Variants in PHKB observed in about 807,000 individuals in gnomAD.
PHKB encodes the protein phosphorylase b kinase regulatory subunit beta.
Under a neutral mutation model 152.1 loss-of-function variants are expected in PHKB, and 122 were observed. The observed-to-expected ratio is 0.80, with a 90% CI of 0.69 to 0.93. PHKB has a LOEUF of 0.93. Ranked by LOEUF, PHKB falls within the 40% of genes least tolerant of loss-of-function variation. The pLI, the probability that PHKB is intolerant of heterozygous loss-of-function variation, is 0.00. For synonymous variants in PHKB, 436 were observed against 464.9 expected (o/e 0.94, Z 0.80); for missense variants, 1,304 against 1,328.4 (o/e 0.98, Z 0.29).
chr16:47,669,215 G>A lies in PHKB; in HGVS notation c.2428G>A (p.Val810Ile). 6.2e-7 allele frequency: 1 copy of A among 1,612,358 alleles called. No homozygotes were observed. Among genetic ancestry groups the A allele is most frequent in the Non-Finnish European group, 8.5e-7 (1 of 1,178,596 alleles). The change falls in exon 26 of 31, where the codon GTA becomes ATA. Residue 810 changes from valine to isoleucine, a missense_variant and splice_region_variant. Val to Ile is a conservative substitution (Grantham distance 29, BLOSUM62 3). Transcript: ENST00000323584. ...TACAATAAAATTCTGCCACTTGTAG[G>A]TAACTCTGGGTGCCTTTGGGCATGA... ...ITTFLVHGKQ[V>I]TLGAFGHEEE...
At chr16:47,690,783 A>G (rs1318359714) in intron 27 of PHKB, among the ~76,000 whole-genome samples, 2 of 152,204 alleles carry the variant, frequency 1.3e-5, no homozygotes, top group African/African-American at 4.8e-5. Context: ...GTTTCCACTC[A>G]AGATGCTTAA....
At chr16:47,483,034 CTTTTTTTTT>C (rs35429055) in intron 1 of PHKB, among the ~76,000 whole-genome samples, 5 of 91,852 alleles carry the variant, frequency 5.4e-5, no homozygotes, top group African/African-American at 1.6e-4. Context: ...TAAATAATTT[CTTTTTTTTT>C]TTTTTTTTTT....
At chr16:47,521,554 CTGAAACAGGAGAATTGCT>C (rs1970685181) in intron 6 of PHKB, among the ~76,000 whole-genome samples, 1 of 151,864 alleles carries the variant, frequency 6.6e-6, no homozygotes, top group Non-Finnish European at 1.5e-5. Context: ...ACTGGAGAGG[CTGAAACAGGAGAATTGCT>C]TGAACCCGGG....
intron 14 of PHKB, among the ~76,000 whole-genome samples, chr16:47,623,825 T>G (rs1972661963): frequency 6.6e-6 from 1 of 152,176 alleles, no homozygotes; most frequent in Non-Finnish European, 1.5e-5. Flanking sequence ...TCCAAAGTAC[T>G]GGGATTACAG....
chr16:47,658,748 A>G (rs1973384393), intron 20 of PHKB, among the ~76,000 whole-genome samples: 1 of 152,112 alleles, frequency 6.6e-6, no homozygotes, highest in African/African-American at 2.4e-5. Context: ...TTCACACAAC[A>G]ACGAGATTGC....
chr16:47,505,219 G>A (rs1970392863), intron 4 of PHKB, among the ~76,000 whole-genome samples: 1 of 152,226 alleles, frequency 6.6e-6, no homozygotes, highest in African/African-American at 2.4e-5. Context: ...TTGCTGGCGT[G>A]TGGAGCCGGG....
intron 7 of PHKB, chr16:47,561,621 A>T (rs374041916): frequency 1.3e-5 from 2 of 152,170 alleles, no homozygotes; most frequent in Non-Finnish European, 2.9e-5. Context: ...ATCTGATTGG[A>T]TGAGGAATAT....
chr16:47,641,146 A>G, intron 15 of PHKB, 56 bp downstream of exon 15: 2 of 1,293,134 alleles, frequency 1.5e-6, no homozygotes, highest in East Asian at 2.3e-5. Context: ...GGGAGGGGAA[A>G]TGATTGCTTT....
At chr16:47,526,125 G>A (rs1262802508) in intron 6 of PHKB, among the ~76,000 whole-genome samples, 1 of 152,026 alleles carries the variant, frequency 6.6e-6, no homozygotes, top group Non-Finnish European at 1.5e-5. Context: ...AAATGACTAG[G>A]CCATCTGGGT....
At chr16:47,590,050 A>G (rs1004140601) in intron 10 of PHKB, among the ~76,000 whole-genome samples, 1 of 152,152 alleles carries the variant, frequency 6.6e-6, no homozygotes, top group Non-Finnish European at 1.5e-5. Context: ...TAGGCCTCCT[A>G]AAGTGCTGGG....
At chr16:47,636,900 G>A (rs1326877191) in intron 14 of PHKB, among the ~76,000 whole-genome samples, 3 of 152,304 alleles carry the variant, frequency 2.0e-5, no homozygotes, top group East Asian at 1.9e-4. Context: ...GGTGGAGTCT[G>A]CAGCCCAGAG....
At chr16:47,477,314 T>C (rs918712749) in intron 1 of PHKB, among the ~76,000 whole-genome samples, 1 of 152,192 alleles carries the variant, frequency 6.6e-6, no homozygotes, top group Non-Finnish European at 1.5e-5. Context: ...TGTTGCAGCT[T>C]TGTATAGCCC....
At chr16:47,689,368 C>G (rs1232017489) in intron 27 of PHKB, among the ~76,000 whole-genome samples, 193 bp downstream of exon 27, 1 of 152,034 alleles carries the variant, frequency 6.6e-6, no homozygotes, top group Non-Finnish European at 1.5e-5. Flanking sequence ...TATTATTTTG[C>G]ATTGATTTGA....
At chr16:47,660,890 T>C (rs956823913) in intron 22 of PHKB, 71 bp downstream of exon 22, 2 of 1,469,338 alleles carry the variant, frequency 1.4e-6, no homozygotes, top group African/African-American at 2.8e-5. Flanking sequence ...AATCAGACCA[T>C]ATGTCTTTTT....
intron 7 of PHKB, among the ~76,000 whole-genome samples, chr16:47,571,316 T>G (rs1597094036): frequency 6.6e-6 from 1 of 152,070 alleles, no homozygotes; most frequent in East Asian, 1.9e-4. Flanking sequence ...AGGTGGTGGG[T>G]ATATGCAGTA....
At chr16:47,492,979 A>G (rs1970175648) in intron 1 of PHKB, among the ~76,000 whole-genome samples, 1 of 152,218 alleles carries the variant, frequency 6.6e-6, no homozygotes, top group Admixed American at 6.5e-5. Context: ...AAAGGAAAAC[A>G]AAGGTAAACA....
chr16:47,682,528 G>T (rs1224618026), intron 26 of PHKB, among the ~76,000 whole-genome samples: 3 of 152,052 alleles, frequency 2.0e-5, no homozygotes, highest in African/African-American at 7.2e-5. Context: ...TTCCATCACT[G>T]ATACCCTTTC....
At chr16:47,682,837 C>T (rs1265735139) in intron 26 of PHKB, among the ~76,000 whole-genome samples, 2 of 152,214 alleles carry the variant, frequency 1.3e-5, no homozygotes, top group African/African-American at 4.8e-5. Flanking sequence ...AGGAGAGGTG[C>T]TCTGCTTTTT....
intron 17 of PHKB, 42 bp downstream of exon 17, chr16:47,648,658 A>G (rs534689994): frequency 8.1e-7 from 1 of 1,227,806 alleles, no homozygotes; most frequent in Admixed American, 1.7e-5. Flanking sequence ...TTGGATTCTA[A>G]TACCGCATAC....
Sources: gnomAD v4.1 joint callset for allele counts (sites outside exome capture counted in the v4.1 genomes callset) on GRCh38, gnomAD v4.1.1 for gene constraint, MANE v1.5 for transcripts, NCBI Gene and HGNC (gene_info 2026-07-23, HGNC 2026-07-21) for gene names.